NKAIN2: variants seen among roughly 807,000 people sequenced by gnomAD.
NKAIN2 encodes sodium/potassium-transporting ATPase subunit beta-1-interacting protein 2.
A neutral mutation model predicts 32.6 loss-of-function variants in NKAIN2; 14 were observed. The ratio of observed to expected loss-of-function variants is 0.43; its 90% confidence interval spans 0.28 to 0.67. The LOEUF (loss-of-function observed/expected upper bound fraction) is 0.67, where lower values mean the gene tolerates loss of function less well. NKAIN2 is among the 30% of genes least tolerant of loss of function. The pLI is 0.17. For missense variants in NKAIN2, 198 were observed against 258.3 expected (o/e 0.77, Z 1.60); for synonymous variants, 80 against 87.2 (o/e 0.92, Z 0.46).
At chr6:123,901,550 T>C (rs527511280) in intron 1 of NKAIN2, among the ~76,000 whole-genome samples, 1 of 152,320 alleles carries the variant, frequency 6.6e-6, no homozygotes, top group East Asian at 1.9e-4. Flanking sequence ...TTCCTGTCAC[T>C]GCCACAAAAA....
At chr6:123,904,327 CA>C (rs1330276585) in intron 1 of NKAIN2, among the ~76,000 whole-genome samples, 2 of 152,046 alleles carry the variant, frequency 1.3e-5, no homozygotes, top group Non-Finnish European at 2.9e-5. Context: ...AGATTCAGTC[CA>C]TAATGGAAGT....
chr6:123,853,631 AGAATATTCAGGAG>A (rs1257172798), intron 1 of NKAIN2, among the ~76,000 whole-genome samples: 2 of 152,174 alleles, frequency 1.3e-5, no homozygotes, highest in East Asian at 1.9e-4. Context: ...AAAAAGGAGG[AGAATATTCAGGAG>A]GAATATTCAG....
At chr6:124,248,126 T>C (rs1793508350) in intron 1 of NKAIN2, among the ~76,000 whole-genome samples, 1 of 152,132 alleles carries the variant, frequency 6.6e-6, no homozygotes, top group African/African-American at 2.4e-5. Context: ...TTTTAGTTCA[T>C]TGACCAGTAT....
intron 4 of NKAIN2, among the ~76,000 whole-genome samples, chr6:124,728,811 CA>C (rs1776476611): frequency 6.6e-6 from 1 of 151,708 alleles, no homozygotes; most frequent in East Asian, 1.9e-4. Context: ...AGACCGCTAG[CA>C]AGACTAATAA....
intron 1 of NKAIN2, among the ~76,000 whole-genome samples, chr6:124,279,358 T>A (rs1795189805): frequency 6.6e-6 from 1 of 151,630 alleles, no homozygotes; most frequent in African/African-American, 2.4e-5. Flanking sequence ...AGACAAAAAA[T>A]TAGCCAGGTG....
intron 5 of NKAIN2, among the ~76,000 whole-genome samples, chr6:124,812,146 C>G (rs1780931119): frequency 6.6e-6 from 1 of 152,084 alleles, no homozygotes; most frequent in African/African-American, 2.4e-5. Flanking sequence ...TCCTCTTGGC[C>G]AAAGGGGATG....
chr6:124,468,482 A>G (rs112482900), intron 3 of NKAIN2, among the ~76,000 whole-genome samples: 15 of 152,248 alleles, frequency 9.9e-5, no homozygotes, highest in African/African-American at 3.6e-4. Context: ...TAAATTTATG[A>G]TGAAATATAA....
At chr6:124,768,485 AT>A (rs555662495) in intron 4 of NKAIN2, among the ~76,000 whole-genome samples, 82 of 152,276 alleles carry the variant, frequency 5.4e-4, no homozygotes, top group African/African-American at 1.9e-3. Flanking sequence ...TCCTTCTGCT[AT>A]TTGAGAGCTC....
intron 1 of NKAIN2, among the ~76,000 whole-genome samples, chr6:124,058,616 A>G (rs185834794): frequency 1.3e-5 from 2 of 152,176 alleles, no homozygotes; most frequent in African/African-American, 4.8e-5. Flanking sequence ...CATCTAATTC[A>G]TGGTTAAATG....
chr6:124,539,251 C>T (rs1294109888), intron 3 of NKAIN2, among the ~76,000 whole-genome samples: 1 of 152,118 alleles, frequency 6.6e-6, no homozygotes, highest in Non-Finnish European at 1.5e-5. Flanking sequence ...GATGAGAGAA[C>T]TGAAACTCAG....
At chr6:124,673,441 T>G (rs1198761377) in intron 4 of NKAIN2, among the ~76,000 whole-genome samples, 2 of 152,104 alleles carry the variant, frequency 1.3e-5, no homozygotes, top group East Asian at 3.8e-4. Context: ...TCATTTTACT[T>G]TTAATTTTTT....
Position 124,785,855 on chromosome 6 carries a change from A to G in NKAIN2, c.475-5484A>G, listed in dbSNP as rs555988480. Among the ~76,000 whole-genome samples, 126 of 152,234 alleles carry G rather than the reference A, an allele frequency of 8.3e-4. 1 individual carries two copies. The highest frequency in any genetic ancestry group is 2.8e-3 in the African/African-American group (118 of 41,554). ...TTCCACTGACATCACCCCAGTGGGG[A>G]GAAGAGAGTGTCTGCCTTGTTACTG... On this transcript the variant is annotated intron_variant, in intron 4 of 6. Coordinates refer to ENST00000368417, the MANE Select transcript of NKAIN2 (RefSeq NM_001040214.3).
At chr6:124,576,142 T>TTTTTATGA (rs1441424572) in intron 3 of NKAIN2, among the ~76,000 whole-genome samples, 5 of 152,212 alleles carry the variant, frequency 3.3e-5, no homozygotes, top group Non-Finnish European at 5.9e-5. Flanking sequence ...ATGATACACA[T>TTTTTATGA]TTTTATGATT....
intron 1 of NKAIN2, among the ~76,000 whole-genome samples, chr6:124,233,430 G>A (rs1792566531): frequency 6.6e-6 from 1 of 152,126 alleles, no homozygotes; most frequent in Non-Finnish European, 1.5e-5. Context: ...GTTCCCTATG[G>A]TGAGCCCTGA....
chr6:124,500,973 G>A (rs535782279), intron 3 of NKAIN2, among the ~76,000 whole-genome samples: 1 of 152,300 alleles, frequency 6.6e-6, no homozygotes, highest in Admixed American at 6.5e-5. Context: ...GCAAAGATAA[G>A]ATGTAGAAAA....
chr6:124,277,509 T>G (rs572272933), intron 1 of NKAIN2, among the ~76,000 whole-genome samples: 1 of 152,124 alleles, frequency 6.6e-6, no homozygotes, highest in South Asian at 2.1e-4. Context: ...CTAATTTTAC[T>G]TGTTAGGTAA....
intron 1 of NKAIN2, among the ~76,000 whole-genome samples, chr6:124,141,147 G>T (rs918259550): frequency 5.9e-5 from 9 of 152,144 alleles, no homozygotes; most frequent in African/African-American, 2.2e-4. Context: ...GTCGTTCAAA[G>T]ATAGTGGAAG....
intron 1 of NKAIN2, among the ~76,000 whole-genome samples, chr6:124,232,887 C>G (rs1792533134): frequency 6.6e-6 from 1 of 152,094 alleles, no homozygotes; most frequent in African/African-American, 2.4e-5. Context: ...TATAAACCCC[C>G]CAACCTTGTA....
chr6:123,969,523 C>T (rs1034037219), intron 1 of NKAIN2, among the ~76,000 whole-genome samples: 4 of 152,112 alleles, frequency 2.6e-5, no homozygotes, highest in Non-Finnish European at 5.9e-5. Context: ...TCAGTAATGC[C>T]GGAGCCAGAA....
Sources: allele counts gnomAD v4.1 joint callset (sites outside exome capture counted in the v4.1 genomes callset), GRCh38; gene constraint gnomAD v4.1.1; transcripts MANE v1.5; gene names NCBI Gene and HGNC (gene_info 2026-07-23, HGNC 2026-07-21).